CABLES1: variants seen among roughly 807,000 people sequenced by gnomAD.
The protein encoded by CABLES1 is CDK5 and ABL1 enzyme substrate 1.
CABLES1 carries 36 observed loss-of-function variants against 57.8 expected under a neutral mutation model. The observed-to-expected ratio is 0.62, with a 90% CI of 0.48 to 0.82. CABLES1 has a LOEUF of 0.82. CABLES1 is among the 40% of genes least tolerant of loss of function. The pLI is 0.00. For missense variants in CABLES1, 767 were observed against 836.6 expected (o/e 0.92, Z 1.03); for synonymous variants, 374 against 363.0 (o/e 1.03, Z -0.35).
At chr18:23,219,130 C>T in intron 4 of CABLES1, 1 of 453,242 alleles carries the variant, frequency 2.2e-6, no homozygotes, top group Non-Finnish European at 4.4e-6. Context: ...AATTCACTCA[C>T]CTGCAGCCTG....
At chr18:23,189,747 C>T (rs765662601) in intron 2 of CABLES1, among the ~76,000 whole-genome samples, 3 of 152,340 alleles carry the variant, frequency 2.0e-5, no homozygotes, top group Admixed American at 6.5e-5. Flanking sequence ...GACTTGGGAG[C>T]GCCTGGCTCT....
At position 23,152,730 on chromosome 18, in the gene CABLES1, C is replaced by G. The variant is rs199602624; in HGVS notation, c.845+16123C>G. Among the ~76,000 whole-genome samples, 11 of 152,042 alleles carry G rather than the reference C, an allele frequency of 7.2e-5. No individual in the cohort carries two copies. In the East Asian group the frequency reaches 2.1e-3, roughly 29 times the overall value. On this transcript the variant is annotated intron_variant, in intron 1 of 9. Transcript: ENST00000256925. Reference sequence around the variant, plus strand: ...AAACCCCTGACCTCAAGTGATCCGCCTGGCTCGGCCTCCCAAAGTGCTGGG... The same window carrying G: ...AAACCCCTGACCTCAAGTGATCCGCGTGGCTCGGCCTCCCAAAGTGCTGGG...
chr18:23,210,218 C>T (rs2047395245), intron 3 of CABLES1, among the ~76,000 whole-genome samples: 1 of 152,128 alleles, frequency 6.6e-6, no homozygotes. Context: ...CTTAAAGATC[C>T]ATCTCCCTGG....
At chr18:23,195,970 C>G (rs991676203) in intron 3 of CABLES1, among the ~76,000 whole-genome samples, 2 of 152,158 alleles carry the variant, frequency 1.3e-5, no homozygotes, top group Non-Finnish European at 2.9e-5. Flanking sequence ...TCAATGAAAT[C>G]AATGACAAAG....
At chr18:23,151,015 G>A (rs933952242) in intron 1 of CABLES1, among the ~76,000 whole-genome samples, 5 of 94,840 alleles carry the variant, frequency 5.3e-5, no homozygotes, top group Non-Finnish European at 1.2e-4. Context: ...CCTGGCCTAC[G>A]TTTTTTTTTT....
intron 4 of CABLES1, among the ~76,000 whole-genome samples, chr18:23,233,788 G>A (rs963431331): frequency 1.3e-5 from 2 of 152,168 alleles, no homozygotes; most frequent in Non-Finnish European, 2.9e-5. Context: ...TTTCTAGGTG[G>A]TCTGTCAAGG....
intron 4 of CABLES1, among the ~76,000 whole-genome samples, chr18:23,227,503 C>A (rs1034568588): frequency 1.3e-5 from 2 of 152,158 alleles, no homozygotes; most frequent in Non-Finnish European, 2.9e-5. Context: ...TCGATGGAGT[C>A]CTGAGTGGGA....
intron 1 of CABLES1, among the ~76,000 whole-genome samples, chr18:23,179,768 G>A (rs2145002581): frequency 6.6e-6 from 1 of 152,372 alleles, no homozygotes; most frequent in Non-Finnish European, 1.5e-5. Context: ...CAAAGCATGT[G>A]TCTAATGGAT....
At chr18:23,253,968 G>GC in intron 9 of CABLES1, 32 bp downstream of exon 9, 1 of 1,586,938 alleles carries the variant, frequency 6.3e-7, no homozygotes, top group Non-Finnish European at 8.7e-7. Flanking sequence ...GGCTGGAGGA[G>GC]CACATGCTCC....
chr18:23,168,705 G>C (rs2047060622), intron 1 of CABLES1, among the ~76,000 whole-genome samples: 1 of 152,198 alleles, frequency 6.6e-6, no homozygotes, highest in African/African-American at 2.4e-5. Flanking sequence ...CTGGCAGAAG[G>C]GTCCTGCGGC....
chr18:23,235,774 T>G lies in CABLES1; in HGVS notation c.1186-121T>G, dbSNP rs2047602895. On this transcript the variant is annotated intron_variant, in intron 5 of 9. Transcript: ENST00000256925. ...TTCATTTTTCAGATCTCATTGAATT[T>G]CAGAATTGCAAATAGGAGAAAGTGG... The G allele has an allele frequency of 6.8e-6, 7 of 1,026,546 alleles. No homozygotes were observed. The South Asian group carries it at 1.1e-4, about 16-fold the overall frequency. 63.6% of individuals were successfully genotyped at this position (1,026,546 alleles called of 1,614,324 possible).
intron 3 of CABLES1, among the ~76,000 whole-genome samples, chr18:23,206,732 TG>T (rs1184757112): frequency 6.6e-6 from 1 of 152,260 alleles, no homozygotes; most frequent in Non-Finnish European, 1.5e-5. Context: ...ACTTGCCTTG[TG>T]TGAATATTTT....
chr18:23,162,658 G>A (rs1233981622), intron 1 of CABLES1, among the ~76,000 whole-genome samples: 1 of 152,194 alleles, frequency 6.6e-6, no homozygotes, highest in Non-Finnish European at 1.5e-5. Flanking sequence ...AGAACAAGCA[G>A]GTGAAGTCAA....
chr18:23,247,263 C>T (rs907198775), intron 7 of CABLES1, among the ~76,000 whole-genome samples: 57 of 152,246 alleles, frequency 3.7e-4, no homozygotes, highest in African/African-American at 1.2e-3. Context: ...ACCTCCTGTA[C>T]ACCAGAGAGT....
chr18:23,136,332 C>T lies in CABLES1; in HGVS notation c.570C>T (p.Ala190=), dbSNP rs2046820883. The T allele has an allele frequency of 9.1e-6, 13 of 1,427,952 alleles. No individual in the cohort carries two copies. The highest frequency in any genetic ancestry group is 1.1e-5 in the Non-Finnish European group (12 of 1,094,150). The allele number at this position is 1,427,952 out of a possible 1,614,324, so 88.5% of individuals were successfully genotyped here. A position where few individuals can be genotyped will look rare whatever the true frequency, so the allele number is the denominator to read the frequency against. Residue 190 remains alanine (A), a synonymous_variant, in exon 1 of 10, where the codon GCC becomes GCT. Transcript: ENST00000256925. ...CGCCCCGGCCGGCGCCTCTCGCCGC[C>T]TGTGCCCAACTGCAGCTGCTCGACG... ...WQPPRPAPLA[A]CAQLQLLDGS...
At chr18:23,223,513 G>A (rs2047504990) in intron 4 of CABLES1, among the ~76,000 whole-genome samples, 1 of 151,302 alleles carries the variant, frequency 6.6e-6, no homozygotes, top group East Asian at 1.9e-4. Context: ...GGGAGGTGGA[G>A]GTTGCAGTGA....
At position 23,219,987 on chromosome 18, in the gene CABLES1, G is replaced by A. The variant is rs143155080; in HGVS notation, c.1088+5933G>A. Among the ~76,000 whole-genome samples, 652 of 152,238 alleles carry A rather than the reference G, an allele frequency of 4.3e-3. 3 individuals are homozygous for A. The highest frequency in any genetic ancestry group is 0.02 in the Middle Eastern group (6 of 294). ...CACATTTTTTCTTGGTGTGGGCCGCGAGGCTAGGGGCTTCATCACCCTGGG... is the reference window on the plus strand; with the variant it reads ...CACATTTTTTCTTGGTGTGGGCCGCAAGGCTAGGGGCTTCATCACCCTGGG... On this transcript the variant is annotated intron_variant, in intron 4 of 9. Coordinates refer to ENST00000256925, the MANE Select transcript of CABLES1 (RefSeq NM_001100619.3).
chr18:23,169,959 T>C (rs2047070884), intron 1 of CABLES1, among the ~76,000 whole-genome samples: 1 of 152,168 alleles, frequency 6.6e-6, no homozygotes, highest in Non-Finnish European at 1.5e-5. Context: ...TTGCCTGGAC[T>C]TGGTGGGAGC....
chr18:23,192,160 T>G (rs1287337802), intron 2 of CABLES1, among the ~76,000 whole-genome samples: 1 of 152,120 alleles, frequency 6.6e-6, no homozygotes, highest in Non-Finnish European at 1.5e-5. Flanking sequence ...GACTGAGAAG[T>G]TTTGCACCTG....
Sources: gnomAD v4.1 joint callset for allele counts (sites outside exome capture counted in the v4.1 genomes callset) on GRCh38, gnomAD v4.1.1 for gene constraint, MANE v1.5 for transcripts, NCBI Gene and HGNC (gene_info 2026-07-23, HGNC 2026-07-21) for gene names.